The following PSME3IP1 variants were observed in gnomAD, a reference collection of about 807,000 sequenced individuals.
The protein encoded by PSME3IP1 is proteasome activator subunit 3 interacting protein 1.
PSME3IP1 carries 13 observed loss-of-function variants against 34.1 expected under a neutral mutation model. The observed-to-expected ratio is 0.38, with a 90% CI of 0.25 to 0.61. The LOEUF is 0.61. Among genes scored for constraint, PSME3IP1 ranks in the 20% least tolerant of loss-of-function variants. The probability of loss-of-function intolerance (pLI) is 0.60; values close to 1 mark genes in which losing one functional copy is unlikely to be tolerated. For missense variants in PSME3IP1, 237 were observed against 301.4 expected (o/e 0.79, Z 1.58); for synonymous variants, 93 against 114.3 (o/e 0.81, Z 1.19).
intron 6 of PSME3IP1, among the ~76,000 whole-genome samples, chr16:57,161,303 A>T (rs1282137152): frequency 6.6e-6 from 1 of 152,240 alleles, no homozygotes; most frequent in Non-Finnish European, 1.5e-5. Flanking sequence ...CTAATGGCAT[A>T]CAGATAGACA....
In PSME3IP1 at chr16:57,164,005, ATTC is replaced by A; in HGVS notation, c.540_542del (p.Lys180del). ...GTAATGAAGGCTGCCACCCACCTTG[ATTC>A]TTGTCATCTGGCTCAGGGTCCGGTT... On this transcript the variant is annotated inframe_deletion, in exon 6 of 7. Coordinates refer to ENST00000309137, the MANE Select transcript of PSME3IP1 (RefSeq NM_024946.4). 1.9e-6 allele frequency: 3 copies of A among 1,614,104 alleles called. No individual in the cohort carries two copies. Among genetic ancestry groups the A allele is most frequent in the Non-Finnish European group, 2.5e-6 (3 of 1,179,978 alleles).
At chr16:57,157,988 C>T (rs1380587107) in intron 6 of PSME3IP1, among the ~76,000 whole-genome samples, 3 of 152,116 alleles carry the variant, frequency 2.0e-5, no homozygotes, top group African/African-American at 7.2e-5. Flanking sequence ...ACGGTAAGCC[C>T]CTTGAAGGCA....
chr16:57,171,715 G>C (rs1423554524), intron 4 of PSME3IP1, among the ~76,000 whole-genome samples: 4 of 152,300 alleles, frequency 2.6e-5, no homozygotes, highest in Non-Finnish European at 5.9e-5. Context: ...TGATGAGAGT[G>C]GGGGTGATGT....
intron 4 of PSME3IP1, 149 bp downstream of exon 4, chr16:57,172,102 T>C: frequency 1.2e-6 from 1 of 818,130 alleles, no homozygotes. Flanking sequence ...CACTACCAGC[T>C]TTTCAGAATT....
intron 4 of PSME3IP1, among the ~76,000 whole-genome samples, chr16:57,170,517 A>G (rs1199676152): frequency 6.6e-6 from 1 of 152,280 alleles, no homozygotes; most frequent in African/African-American, 2.4e-5. Context: ...TACTCAACAT[A>G]TAAGCTTGAA....
intron 1 of PSME3IP1, chr16:57,175,010 T>C (rs2073040569): frequency 6.6e-6 from 1 of 150,932 alleles, no homozygotes; most frequent in African/African-American, 2.5e-5. Flanking sequence ...ATATTACTTA[T>C]TACTCCTTTT....
At position 57,171,832 on chromosome 16, in the gene PSME3IP1, T is replaced by C. The variant is rs1437362711; in HGVS notation, c.348+419A>G. On this transcript the variant is annotated intron_variant, in intron 4 of 6. Transcript: ENST00000309137. ...ACACTGATCTAGAGCAAAGTCATCT[T>C]TGCTGCTTTCTCAGCCCTTCTATCA... is the stretch of plus-strand genomic sequence containing the variant. Among the ~76,000 whole-genome samples the C allele has an allele frequency of 4.6e-5, 7 of 152,248 alleles. No individual in the cohort carries two copies. The East Asian group carries it at 5.8e-4, about 13-fold the overall frequency.
At chr16:57,158,515 G>A (rs1474188418) in intron 6 of PSME3IP1, among the ~76,000 whole-genome samples, 1 of 152,200 alleles carries the variant, frequency 6.6e-6, no homozygotes, top group Non-Finnish European at 1.5e-5. Context: ...TTGAGCCTGG[G>A]AGGTGAAGGT....
intron 4 of PSME3IP1, among the ~76,000 whole-genome samples, chr16:57,167,428 A>C (rs1270853166): frequency 6.6e-6 from 1 of 152,232 alleles, no homozygotes; most frequent in African/African-American, 2.4e-5. Flanking sequence ...AGCCCAAAAT[A>C]ATACAGATAA....
At chr16:57,159,516 G>A (rs910220382) in intron 6 of PSME3IP1, among the ~76,000 whole-genome samples, 6 of 152,108 alleles carry the variant, frequency 3.9e-5, no homozygotes, top group African/African-American at 7.2e-5. Context: ...CAAAATCTTC[G>A]CTGGGGGAAG....
At chr16:57,174,058 G>A (rs2072928335) in intron 1 of PSME3IP1, 189 bp from the exon 2 acceptor site, 2 of 533,886 alleles carry the variant, frequency 3.7e-6, no homozygotes, top group African/African-American at 1.9e-5. Flanking sequence ...CACTTTGGGA[G>A]GCCGAGGCGC....
At chr16:57,177,395 C>T (rs2073287021) in intron 1 of PSME3IP1, among the ~76,000 whole-genome samples, 2 of 150,060 alleles carry the variant, frequency 1.3e-5, no homozygotes, top group Admixed American at 6.6e-5. Context: ...CCATGTTGCC[C>T]AGGCTGGTCT....
intron 4 of PSME3IP1, among the ~76,000 whole-genome samples, chr16:57,171,002 G>A (rs546520579): frequency 3.3e-5 from 5 of 152,170 alleles, no homozygotes; most frequent in Non-Finnish European, 7.3e-5. Context: ...GAACCCGGGA[G>A]GCGGAGGTTG....
chr16:57,179,576 C>T (rs1455430245), intron 1 of PSME3IP1, among the ~76,000 whole-genome samples: 1 of 152,200 alleles, frequency 6.6e-6, no homozygotes, highest in African/African-American at 2.4e-5. Flanking sequence ...CTCCATTTAG[C>T]TAGTGCCATG....
intron 4 of PSME3IP1, among the ~76,000 whole-genome samples, chr16:57,170,277 T>A (rs1380279620): frequency 6.6e-6 from 1 of 152,032 alleles, no homozygotes; most frequent in Non-Finnish European, 1.5e-5. Flanking sequence ...GAGACAGGGT[T>A]TCACCATTTT....
In PSME3IP1 at chr16:57,153,972, T is replaced by C; in HGVS notation, c.*318A>G. ...AGAAAGCAATAAAACCCAAACCCTT[T>C]GGCAAGCCAGCCGGTGCCTATTCTC... is the stretch of plus-strand genomic sequence containing the variant. On this transcript the variant is annotated 3_prime_UTR_variant, in exon 7 of 7. Transcript: ENST00000309137. The C allele has an allele frequency of 5.9e-6, 2 of 336,826 alleles. No individual in the cohort carries two copies. The highest frequency in any genetic ancestry group is 8.8e-5 in the South Asian group (2 of 22,794). 20.9% of individuals were successfully genotyped at this position (336,826 alleles called of 1,614,324 possible). A position where few individuals can be genotyped will look rare whatever the true frequency, so the allele number is the denominator to read the frequency against.
At chr16:57,172,663 G>T in intron 3 of PSME3IP1, 113 bp downstream of exon 3, 2 of 894,404 alleles carry the variant, frequency 2.2e-6, no homozygotes, top group Non-Finnish European at 3.7e-6. Flanking sequence ...AGCATCCGGA[G>T]ACTCGAAAAT....
At chr16:57,177,734 G>A (rs1205879396) in intron 1 of PSME3IP1, among the ~76,000 whole-genome samples, 3 of 152,092 alleles carry the variant, frequency 2.0e-5, no homozygotes, top group Admixed American at 2.0e-4. Context: ...AATTCAGGCT[G>A]GGCATGGTGG....
At chr16:57,162,555 C>G (rs1331243622) in intron 6 of PSME3IP1, among the ~76,000 whole-genome samples, 1 of 151,420 alleles carries the variant, frequency 6.6e-6, no homozygotes. Context: ...GTCCTAGCTA[C>G]CTGGGTGGTT....
Sources: gnomAD v4.1 joint callset for allele counts (sites outside exome capture counted in the v4.1 genomes callset) on GRCh38, gnomAD v4.1.1 for gene constraint, MANE v1.5 for transcripts, NCBI Gene and HGNC (gene_info 2026-07-23, HGNC 2026-07-21) for gene names.